Variants in PTPRN2 observed in about 807,000 individuals in gnomAD.
The protein encoded by PTPRN2 is receptor-type tyrosine-protein phosphatase N2.
PTPRN2 carries 74 observed loss-of-function variants against 118.8 expected under a neutral mutation model. The ratio of observed to expected loss-of-function variants is 0.62; its 90% confidence interval spans 0.52 to 0.76. The LOEUF (loss-of-function observed/expected upper bound fraction) is 0.76. PTPRN2 is among the 30% of genes least tolerant of loss of function. PTPRN2 has a pLI of 0.00. For synonymous variants in PTPRN2, 641 were observed against 608.0 expected, an observed-to-expected ratio of 1.05 and a Z score of -0.80; for missense variants, 1,481 against 1,394.4, an observed-to-expected ratio of 1.06 and a Z score of -0.99.
chr7:158,073,433 C>G (rs1812095697), intron 11 of PTPRN2, among the ~76,000 whole-genome samples: 1 of 152,184 alleles, frequency 6.6e-6, no homozygotes, highest in Non-Finnish European at 1.5e-5. Flanking sequence ...CCTGCAGGCT[C>G]CAAGTGCACC....
chr7:158,469,293 G>A (rs1819669185), intron 2 of PTPRN2, among the ~76,000 whole-genome samples: 2 of 152,094 alleles, frequency 1.3e-5, no homozygotes, highest in Non-Finnish European at 2.9e-5. Flanking sequence ...ATACAAAAAT[G>A]AGCCAGTGGT....
rs1198701711 is a variant in PTPRN2 at position 157,984,417 on chromosome 7, CAT to C, written c.1724-85682_1724-85681del. On this transcript the variant is annotated intron_variant, in intron 11 of 22. Coordinates refer to ENST00000389418, the MANE Select transcript of PTPRN2 (RefSeq NM_002847.5). ...CACCCCCCCACGCCAGGCTCCACCCCATCCCACGCCAGGCTCCACGCCAGGCT... is the reference window on the plus strand; with the variant it reads ...CACCCCCCCACGCCAGGCTCCACCCCCCCACGCCAGGCTCCACGCCAGGCT... 7.2e-4 allele frequency among the ~76,000 whole-genome samples: 13 copies of C among 17,976 alleles called. 1 individual carries two copies. Among genetic ancestry groups the C allele is most frequent in the South Asian group, 2.6e-3 (2 of 774 alleles). The allele number at this position is 17,976 out of a possible 152,430, so 11.8% of individuals were successfully genotyped here.
At chr7:157,756,082 C>A (rs115768820) in intron 12 of PTPRN2, among the ~76,000 whole-genome samples, 16 of 152,148 alleles carry the variant, frequency 1.1e-4, no homozygotes, top group African/African-American at 3.6e-4. Flanking sequence ...ATAGTTTTAA[C>A]CAAAAATATA....
intron 21 of PTPRN2, among the ~76,000 whole-genome samples, chr7:157,556,022 G>T (rs939985319): frequency 6.6e-6 from 1 of 152,170 alleles, no homozygotes. Context: ...GTCAGCCGAG[G>T]TGACCCCAGA....
chr7:158,321,933 C>T (rs932176613), intron 2 of PTPRN2, among the ~76,000 whole-genome samples: 1 of 152,194 alleles, frequency 6.6e-6, no homozygotes, highest in African/African-American at 2.4e-5. Flanking sequence ...ACATCATAAA[C>T]CCTTCCGGCA....
At chr7:157,767,567 G>C (rs1053003898) in intron 12 of PTPRN2, among the ~76,000 whole-genome samples, 2 of 152,248 alleles carry the variant, frequency 1.3e-5, no homozygotes, top group African/African-American at 4.8e-5. Flanking sequence ...ACTGCATTGG[G>C]GAAGTGAGTG....
intron 12 of PTPRN2, among the ~76,000 whole-genome samples, chr7:157,703,741 G>T (rs1009625144): frequency 6.6e-6 from 1 of 152,066 alleles, no homozygotes; most frequent in Non-Finnish European, 1.5e-5. Context: ...CTCACTCCCC[G>T]CGGCCGCTTG....
intron 11 of PTPRN2, among the ~76,000 whole-genome samples, chr7:157,972,781 GAA>G: frequency 2.7e-5 from 4 of 147,416 alleles, no homozygotes; most frequent in Non-Finnish European, 4.5e-5. Flanking sequence ...GAGACCATGG[GAA>G]CTCCACACCA....
At chr7:157,604,783 C>G (rs1003416975) in intron 15 of PTPRN2, among the ~76,000 whole-genome samples, 2 of 152,296 alleles carry the variant, frequency 1.3e-5, no homozygotes, top group Admixed American at 1.3e-4. Context: ...CCGGGCGCAG[C>G]GGGGGGACAG....
intron 14 of PTPRN2, among the ~76,000 whole-genome samples, chr7:157,644,718 C>G (rs537552966): frequency 6.6e-6 from 1 of 151,950 alleles, no homozygotes; most frequent in African/African-American, 2.4e-5. Context: ...TCACTTGAAC[C>G]CGAGAGGCAG....
At position 158,002,798 on chromosome 7, in the gene PTPRN2, C is replaced by T. The variant is rs182434926; in HGVS notation, c.1723+78500G>A. Among the ~76,000 whole-genome samples, 6 of 152,318 alleles carry T rather than the reference C, an allele frequency of 3.9e-5. No homozygotes were observed. The East Asian group carries it at 7.7e-4, about 20-fold the overall frequency. Reference sequence around the variant, plus strand: ...CCGGCTGCCTCAAAGCTCAGCAGGTCCACGGAGCAGGAGCCACACAAGGCT... The same window carrying T: ...CCGGCTGCCTCAAAGCTCAGCAGGTTCACGGAGCAGGAGCCACACAAGGCT... On this transcript the variant is annotated intron_variant, in intron 11 of 22. Coordinates refer to ENST00000389418, the MANE Select transcript of PTPRN2 (RefSeq NM_002847.5).
intron 12 of PTPRN2, among the ~76,000 whole-genome samples, chr7:157,695,609 G>C (rs973963234): frequency 4.6e-5 from 7 of 152,190 alleles, no homozygotes; most frequent in African/African-American, 1.7e-4. Context: ...CAGCCTCCTA[G>C]TAAAGCATAG....
intron 12 of PTPRN2, among the ~76,000 whole-genome samples, chr7:157,756,625 C>T (rs528007768): frequency 4.6e-5 from 7 of 152,210 alleles, no homozygotes; most frequent in South Asian, 4.2e-4. Context: ...GCAGTATCTG[C>T]GCCTGCGCTG....
chr7:158,173,102 T>C (rs1424311059), intron 5 of PTPRN2, among the ~76,000 whole-genome samples: 1 of 144,176 alleles, frequency 6.9e-6, no homozygotes, highest in Non-Finnish European at 1.5e-5. Flanking sequence ...TAGCATCCCA[T>C]CACCACCAAC....
In PTPRN2 at chr7:158,261,111, C is replaced by T. The variant is rs186026495; in HGVS notation, c.277+55708G>A. On this transcript the variant is annotated intron_variant, in intron 3 of 22. Coordinates refer to ENST00000389418, the MANE Select transcript of PTPRN2 (RefSeq NM_002847.5). ...AGGCTCCGACTGGCTGAGTCTGTGT[C>T]AGCGTCAGCAACAGTGCCCATCCCG... Among the ~76,000 whole-genome samples the T allele has an allele frequency of 5.3e-5, 8 of 152,280 alleles. No homozygotes were observed. In the East Asian group the frequency reaches 1.5e-3, roughly 29 times the overall value.
intron 3 of PTPRN2, among the ~76,000 whole-genome samples, chr7:158,208,862 A>G (rs1229150136): frequency 2.0e-5 from 3 of 152,198 alleles, no homozygotes; most frequent in Non-Finnish European, 2.9e-5. Flanking sequence ...ATAAAGATAT[A>G]AATAGAAACA....
intron 12 of PTPRN2, chr7:157,864,721 G>A (rs528796157): frequency 2.6e-5 from 4 of 152,360 alleles, no homozygotes; most frequent in African/African-American, 9.6e-5. Flanking sequence ...AGGAGGTCAG[G>A]TTTGAGCACG....
chr7:157,773,045 C>T lies in PTPRN2; in HGVS notation c.1789-90108G>A, dbSNP rs1802982132. Among the ~76,000 whole-genome samples the T allele has an allele frequency of 2.6e-5, 4 of 152,202 alleles. No individual in the cohort carries two copies. The South Asian group carries it at 8.3e-4, about 32-fold the overall frequency. On this transcript the variant is annotated intron_variant, in intron 12 of 22. Coordinates refer to ENST00000389418, the MANE Select transcript of PTPRN2 (RefSeq NM_002847.5). ...TTCCCAGAACTCCCAGAACTGGATCCAGGCCTGGGTGAGAAGGTGCCTTGC... is the reference window on the plus strand; with the variant it reads ...TTCCCAGAACTCCCAGAACTGGATCTAGGCCTGGGTGAGAAGGTGCCTTGC...
intron 12 of PTPRN2, among the ~76,000 whole-genome samples, chr7:157,886,718 G>A (rs1796466182): frequency 6.6e-6 from 1 of 152,256 alleles, no homozygotes; most frequent in African/African-American, 2.4e-5. Flanking sequence ...AGAGTGAGAA[G>A]AGCAGTAAGC....
Sources: gnomAD v4.1 joint callset for allele counts (sites outside exome capture counted in the v4.1 genomes callset) on GRCh38, gnomAD v4.1.1 for gene constraint, MANE v1.5 for transcripts, NCBI Gene and HGNC (gene_info 2026-07-23, HGNC 2026-07-21) for gene names.